HIVEP3: variants seen among roughly 807,000 people sequenced by gnomAD.
HIVEP3 encodes the protein transcription factor HIVEP3.
Under a neutral mutation model 152.8 loss-of-function variants are expected in HIVEP3, and 49 were observed. That is an observed-to-expected ratio of 0.32 (90% CI 0.26 to 0.41). The LOEUF (loss-of-function observed/expected upper bound fraction) is 0.41. Among genes scored for constraint, HIVEP3 ranks in the 10% least tolerant of loss-of-function variants. The pLI is 1.00. For synonymous variants in HIVEP3, 1,269 were observed against 1,289.0 expected, an observed-to-expected ratio of 0.98 and a Z score of 0.33; for missense variants, 2,790 against 3,103.3, an observed-to-expected ratio of 0.90 and a Z score of 2.40.
chr1:41,865,859 C>T (rs368432758), intron 1 of HIVEP3, among the ~76,000 whole-genome samples: 1 of 152,156 alleles, frequency 6.6e-6, no homozygotes, highest in Admixed American at 6.5e-5. Context: ...TTACACGTAG[C>T]TTTGGGATTT....
chr1:41,616,816 T>C (rs1644976049), intron 3 of HIVEP3, among the ~76,000 whole-genome samples: 1 of 152,182 alleles, frequency 6.6e-6, no homozygotes, highest in African/African-American at 2.4e-5. Context: ...GCCTTCCTCA[T>C]GGACAGTCTT....
Position 41,584,030 on chromosome 1 carries a change from G to T in HIVEP3, c.768C>A (p.Gly256=). The T allele has an allele frequency of 6.2e-7, 1 of 1,614,098 alleles. No individual in the cohort carries two copies. The highest frequency in any genetic ancestry group is 8.5e-7 in the Non-Finnish European group (1 of 1,180,004). ...IKAGLASGMG[G]EMYPHGLEME... The stretch of plus-strand genomic sequence containing the variant: ...TCTCCAGCCCATGTGGGTACATCTC[G>T]CCACCCATGCCTGAGGCCAGGCCTG... Residue 256 remains glycine, a synonymous_variant, in exon 4 of 9, where the codon GGC becomes GGA. Transcript: ENST00000372583. This position sits in a 1 kb window ranked among gnomAD's most constrained non-coding sequence, Gnocchi z 5.2.
At chr1:41,687,925 A>G (rs782655) in intron 2 of HIVEP3, among the ~76,000 whole-genome samples, 151,179 of 152,326 alleles carry the variant, frequency 0.99, 75,021 homozygotes, top group Middle Eastern at 1. Context: ...TTGAAAATTC[A>G]GTGAAGAAAC....
chr1:41,991,972 T>A (rs1176041522), intron 1 of HIVEP3, among the ~76,000 whole-genome samples: 2 of 148,114 alleles, frequency 1.4e-5, no homozygotes, highest in Non-Finnish European at 1.5e-5. Context: ...AAACTCTCAA[T>A]AAATTACGTA....
chr1:42,016,867 T>G (rs1253050601), intron 1 of HIVEP3, among the ~76,000 whole-genome samples: 1 of 152,178 alleles, frequency 6.6e-6, no homozygotes, highest in Non-Finnish European at 1.5e-5. Flanking sequence ...AATGCTTTAA[T>G]TACTATCCTG....
chr1:41,684,891 G>C (rs1646092028), intron 2 of HIVEP3, among the ~76,000 whole-genome samples: 1 of 152,238 alleles, frequency 6.6e-6, no homozygotes, highest in African/African-American at 2.4e-5. Context: ...CTCATGGCCA[G>C]ACGTGAACCT....
In HIVEP3 at chr1:41,582,810, T is replaced by C. The variant is rs1644436439; in HGVS notation, c.1988A>G (p.Lys663Arg). The change falls in exon 4 of 9, where the codon AAA (lysine) becomes AGA (arginine). Residue 663 changes from lysine to arginine, a missense_variant. Lys to Arg is a conservative substitution (Grantham distance 26). Coordinates refer to ENST00000372583, the MANE Select transcript of HIVEP3 (RefSeq NM_024503.5). This position sits in a 1 kb window ranked among gnomAD's most constrained non-coding sequence, Gnocchi z 4.7. ...KKRDNYEAHKKYYCSELQIAK... is the reference protein window; with the variant it reads ...KKRDNYEAHKRYYCSELQIAK... ...GATCTGAAGCTCTGAGCAGTAGTAT[T>C]TTTTGTGGGCTTCGTAGTTATCCCT... 6.2e-7 allele frequency: 1 copy of C among 1,614,038 alleles called. No homozygotes were observed. The highest frequency in any genetic ancestry group is 8.5e-7 in the Non-Finnish European group (1 of 1,180,026).
intron 3 of HIVEP3, among the ~76,000 whole-genome samples, chr1:41,592,758 T>G (rs955259110): frequency 2.6e-5 from 4 of 152,242 alleles, no homozygotes; most frequent in Non-Finnish European, 5.9e-5. Flanking sequence ...CTGCAGATGC[T>G]TGGCTCACCT....
In HIVEP3 at chr1:41,512,808, G is replaced by T; in HGVS notation, c.6405+8C>A. The T allele has an allele frequency of 6.8e-7, 1 of 1,479,746 alleles. No individual in the cohort carries two copies. The highest frequency in any genetic ancestry group is 1.4e-5 in the African/African-American group (1 of 71,262). 91.7% of individuals were successfully genotyped at this position (1,479,746 alleles called of 1,614,324 possible). ...GAAGCGGCCCAGCCACCAGGGGCAG[G>T]AACTCACCCACGGGGAGGCGCAGGT... On this transcript the variant is annotated splice_region_variant and intron_variant, in intron 8 of 8. Coordinates refer to ENST00000372583, the MANE Select transcript of HIVEP3 (RefSeq NM_024503.5).
chr1:42,008,205 C>T (rs1645472001), intron 1 of HIVEP3, among the ~76,000 whole-genome samples: 1 of 152,186 alleles, frequency 6.6e-6, no homozygotes, highest in Non-Finnish European at 1.5e-5. Context: ...GATCCTGTCA[C>T]ATGAAATCTG....
At position 41,991,170 on chromosome 1, in the gene HIVEP3, A is replaced by G. The variant is rs1645358209; in HGVS notation, n.119+44637T>C. On this transcript the variant is annotated intron_variant and non_coding_transcript_variant, in intron 1 of 3. Transcript: ENST00000489103. ...TAAAATCAGAGCAGAACTGAAGGAA[A>G]CAGAGACACAAAAAACCCTTCAAAA... Among the ~76,000 whole-genome samples the G allele has an allele frequency of 1.3e-5, 2 of 152,130 alleles. 1 individual carries two copies. The highest frequency in any genetic ancestry group is 4.1e-4 in the South Asian group (2 of 4,830).
intron 2 of HIVEP3, among the ~76,000 whole-genome samples, chr1:41,650,721 C>G (rs1443576592): frequency 1.3e-5 from 2 of 152,118 alleles, no homozygotes; most frequent in Admixed American, 6.5e-5. Context: ...TCTACATGTG[C>G]ATACACAGAC....
chr1:41,963,527 G>C (rs568538622), intron 1 of HIVEP3, among the ~76,000 whole-genome samples: 1 of 150,416 alleles, frequency 6.6e-6, no homozygotes, highest in East Asian at 2.0e-4. Flanking sequence ...GTGGGGTGGG[G>C]GGAGCGGCGA....
intron 1 of HIVEP3, among the ~76,000 whole-genome samples, chr1:41,769,237 A>G (rs960610294): frequency 7.2e-5 from 11 of 152,204 alleles, no homozygotes; most frequent in Admixed American, 5.2e-4. Flanking sequence ...AGCATTGTCC[A>G]CTTTCCAAAG....
At chr1:41,605,989 G>A (rs973254754) in intron 3 of HIVEP3, among the ~76,000 whole-genome samples, 1 of 152,210 alleles carries the variant, frequency 6.6e-6, no homozygotes, top group African/African-American at 2.4e-5. Flanking sequence ...AGTACTGAAT[G>A]AAGAGATGTA....
rs2124049714 is a variant in HIVEP3, at chr1:41,662,787, CG to C, written c.-720-33841del. ...GGGCAGACAGGGAAGCCCCTGTCGC[CG>C]CCGCCGGGGCCCTGCCACTCTGCGC... is the stretch of plus-strand genomic sequence containing the variant. On this transcript the variant is annotated intron_variant, in intron 2 of 8. Transcript: ENST00000372583. This position sits in a 1 kb window ranked among gnomAD's most constrained non-coding sequence, Gnocchi z 7.2. Among the ~76,000 whole-genome samples the C allele has an allele frequency of 6.6e-6, 1 of 152,132 alleles. No individual in the cohort carries two copies. Among genetic ancestry groups the C allele is most frequent in the Admixed American group, 6.5e-5 (1 of 15,308 alleles).
intron 6 of HIVEP3, among the ~76,000 whole-genome samples, chr1:41,522,775 C>T (rs1381002006): frequency 6.6e-6 from 1 of 152,224 alleles, no homozygotes; most frequent in Admixed American, 6.5e-5. Flanking sequence ...TGGGAAACTG[C>T]TTGGGCTGGA....
intron 1 of HIVEP3, among the ~76,000 whole-genome samples, chr1:41,771,879 C>A (rs140915236): frequency 0.012 from 1,812 of 152,182 alleles, 45 homozygotes; most frequent in African/African-American, 0.041. Flanking sequence ...GTTAGCCAGG[C>A]TGGTCTCAAA....
chr1:41,534,440 C>A (rs1458732955), intron 5 of HIVEP3, among the ~76,000 whole-genome samples: 1 of 152,122 alleles, frequency 6.6e-6, no homozygotes, highest in African/African-American at 2.4e-5. Flanking sequence ...GTAAGACCAG[C>A]TCCTCCACTC....
Sources: gnomAD v4.1 joint callset for allele counts (sites outside exome capture counted in the v4.1 genomes callset) on GRCh38, gnomAD v4.1.1 for gene constraint, Gnocchi (gnomAD v3.1) non-coding constraint, MANE v1.5 for transcripts, NCBI Gene and HGNC (gene_info 2026-07-23, HGNC 2026-07-21) for gene names.